TCOF1: variants seen among roughly 807,000 people sequenced by gnomAD.
TCOF1 encodes the protein treacle protein.
TCOF1 carries 33 observed loss-of-function variants against 149.0 expected under a neutral mutation model. That is an observed-to-expected ratio of 0.22 (90% CI 0.17 to 0.30). TCOF1 has a LOEUF of 0.30. Among genes scored for constraint, TCOF1 ranks in the 10% least tolerant of loss-of-function variants. The pLI is 1.00. For missense variants in TCOF1, 1,728 were observed against 1,840.7 expected, an observed-to-expected ratio of 0.94 and a Z score of 1.12; for synonymous variants, 789 against 738.8, an observed-to-expected ratio of 1.07 and a Z score of -1.10.
At chr5:150,384,681 T>C (rs1407991861) in intron 17 of TCOF1, 5 of 982,026 alleles carry the variant, frequency 5.1e-6, no homozygotes, top group East Asian at 2.3e-4. Flanking sequence ...TGGAGTCTAT[T>C]TAAAAAGCAG....
chr5:150,393,783 G>A, intron 23 of TCOF1: 2 of 569,228 alleles, frequency 3.5e-6, no homozygotes, highest in Non-Finnish European at 6.2e-6. Flanking sequence ...GGAGGCCGAG[G>A]TGGGCAGATT....
chr5:150,388,771 C>G (rs1766799997), intron 18 of TCOF1, among the ~76,000 whole-genome samples: 1 of 150,914 alleles, frequency 6.6e-6, no homozygotes, highest in South Asian at 2.1e-4. Context: ...AACCCCGTCT[C>G]TACTAAAAAT....
chr5:150,395,640 A>C (rs867670274), intron 23 of TCOF1, among the ~76,000 whole-genome samples: 1 of 152,140 alleles, frequency 6.6e-6, no homozygotes, highest in African/African-American at 2.4e-5. Context: ...TCTGGCAGGC[A>C]GTAAACCTGC....
chr5:150,373,884 GA>G (rs1486684800), intron 7 of TCOF1, among the ~76,000 whole-genome samples: 3 of 152,212 alleles, frequency 2.0e-5, no homozygotes, highest in Non-Finnish European at 4.4e-5. Flanking sequence ...GCACCAGGGG[GA>G]ACCATGTTAA....
intron 14 of TCOF1, among the ~76,000 whole-genome samples, chr5:150,377,657 G>C (rs574099443): frequency 6.6e-6 from 1 of 151,904 alleles, no homozygotes; most frequent in African/African-American, 2.4e-5. Flanking sequence ...TTCCTCCATT[G>C]AGGTTTTTAA....
chr5:150,399,479 T>A (rs1769328405), intron 26 of TCOF1, among the ~76,000 whole-genome samples: 1 of 152,140 alleles, frequency 6.6e-6, no homozygotes, highest in Non-Finnish European at 1.5e-5. Context: ...AGATGAGCTA[T>A]CACCATGGAT....
Position 150,375,082 on chromosome 5 carries a change from G to C in TCOF1, c.1407G>C (p.Gly469=). The change falls in exon 10 of 27, where the codon GGG becomes GGC. Residue 469 remains glycine (G), a synonymous_variant. Coordinates refer to ENST00000643257, the MANE Select transcript of TCOF1 (RefSeq NM_001371623.1). The part of the protein sequence containing the change: ...TGPAAAQVQV[G]KQEEDSRSSS... ...CTGCAGCCGCCCAGGTCCAGGTGGG[G>C]AAGCAGGAGGAGGACTCAAGAAGCA... The C allele has an allele frequency of 6.2e-7, 1 of 1,614,188 alleles. No individual in the cohort carries two copies. The highest frequency in any genetic ancestry group is 8.5e-7 in the Non-Finnish European group (1 of 1,180,028).
In TCOF1 at chr5:150,369,649, C is replaced by T. The variant is rs558835599; in HGVS notation, c.639+47C>T. On this transcript the variant is annotated intron_variant, in intron 6 of 26. Coordinates refer to ENST00000643257, the MANE Select transcript of TCOF1 (RefSeq NM_001371623.1). ...GAGTTGCCCTCTCCCAGCCTCTAACCCTTCCAGGAACCTGTCTGGGGCTTC... is the reference window on the plus strand; with the variant it reads ...GAGTTGCCCTCTCCCAGCCTCTAACTCTTCCAGGAACCTGTCTGGGGCTTC... The T allele has an allele frequency of 9.3e-5, 149 of 1,603,684 alleles. 1 individual carries two copies. The South Asian group carries it at 1.5e-3, about 17-fold the overall frequency.
chr5:150,361,014 G>A lies in TCOF1; in HGVS notation c.109-142G>A, dbSNP rs970906459. On this transcript the variant is annotated intron_variant, in intron 1 of 26. Coordinates refer to ENST00000643257, the MANE Select transcript of TCOF1 (RefSeq NM_001371623.1). The stretch of plus-strand genomic sequence containing the variant: ...GCCTCCCAAAGTGCTGAGATTACAG[G>A]TATGAGCCACCATGCCCAGCCAAAA... 4 of 988,880 alleles carry A rather than the reference G, an allele frequency of 4.0e-6. No individual in the cohort carries two copies. In the Admixed American group the frequency reaches 5.8e-5, roughly 14 times the overall value. The allele number at this position is 988,880 out of a possible 1,614,324, so 61.3% of individuals were successfully genotyped here. A position where few individuals can be genotyped will look rare whatever the true frequency, so the allele number is the denominator to read the frequency against.
chr5:150,368,550 G>A, intron 4 of TCOF1, 166 bp from the exon 5 acceptor site: 1 of 712,070 alleles, frequency 1.4e-6, no homozygotes. Context: ...GGTGAGAGGA[G>A]GTGCTGTTTT....
chr5:150,375,421 T>A lies in TCOF1; in HGVS notation c.1571T>A (p.Val524Glu). The A allele has an allele frequency of 6.2e-7, 1 of 1,612,914 alleles. No individual in the cohort carries two copies. Among genetic ancestry groups the A allele is most frequent in the South Asian group, 1.1e-5 (1 of 91,004 alleles). The change falls in exon 11 of 27, where the codon GTG (valine) becomes GAG (glutamate). Residue 524 changes from valine to glutamate, a missense_variant. By Grantham distance (121) the Val-to-Glu change is moderately radical (BLOSUM62 -2). Coordinates refer to ENST00000643257, the MANE Select transcript of TCOF1 (RefSeq NM_001371623.1). ...MGPLGKGAGPVPPGKVGPATP... is the reference protein window; with the variant it reads ...MGPLGKGAGPEPPGKVGPATP... ...CCCTTGGGGAAAGGCGCCGGCCCAG[T>A]GCCACCCGGGAAGGTGGGGCCTGCA...
In TCOF1 at chr5:150,398,400, G is replaced by T; in HGVS notation, c.4392G>T (p.Lys1464Asn). The T allele has an allele frequency of 6.2e-7, 1 of 1,614,062 alleles. No homozygotes were observed. Among genetic ancestry groups the T allele is most frequent in the Non-Finnish European group, 8.5e-7 (1 of 1,179,996 alleles). ...EKKEKKKKAK[K>N]ASTKDSESPS... is the part of the protein sequence containing the mutation. ...AAGAAAAGAAGAAGAAAGCAAAAAA[G>T]GCCTCAACCAAAGATTCTGAGTCAC... Residue 1464 changes from lysine (K) to asparagine (N), a missense_variant, in exon 25 of 27, where the codon AAG becomes AAT. Coordinates refer to ENST00000643257, the MANE Select transcript of TCOF1 (RefSeq NM_001371623.1).
chr5:150,374,576 G>T (rs749626536), intron 8 of TCOF1, 41 bp from the exon 9 acceptor site: 2 of 1,611,968 alleles, frequency 1.2e-6, no homozygotes, highest in Non-Finnish European at 1.7e-6. Context: ...CTCCTCACAC[G>T]TCCATCCTCT....
chr5:150,398,544 T>C, intron 25 of TCOF1, 93 bp downstream of exon 25: 1 of 1,588,600 alleles, frequency 6.3e-7, no homozygotes, highest in Non-Finnish European at 8.6e-7. Context: ...CCCCTTCCCA[T>C]TTTCGGGGCC....
Position 150,392,004 on chromosome 5 carries a change from C to T in TCOF1, c.3345C>T (p.Thr1115=). Reference sequence around the variant, plus strand: ...TCCCTGCAACAAGTCCCCAGAGCACCTCCGTCCAGGCCAAAGGGACCAACA... The same window carrying T: ...TCCCTGCAACAAGTCCCCAGAGCACTTCCGTCCAGGCCAAAGGGACCAACA... ...GTLPATSPQS[T]SVQAKGTNKL... Residue 1115 remains threonine, a synonymous_variant, in exon 21 of 27, where the codon ACC becomes ACT. Transcript: ENST00000643257. 5 of 1,614,200 alleles carry T rather than the reference C, an allele frequency of 3.1e-6. No individual in the cohort carries two copies. The highest frequency in any genetic ancestry group is 4.2e-6 in the Non-Finnish European group (5 of 1,180,032).
chr5:150,393,792 T>C (rs1258821735), intron 23 of TCOF1: 3 of 544,864 alleles, frequency 5.5e-6, no homozygotes, highest in African/African-American at 1.9e-5. Context: ...GGTGGGCAGA[T>C]TGCTCAAGCC....
At chr5:150,364,050 AGTCAATTCTT>A (rs1760748348) in intron 2 of TCOF1, 53 bp from the exon 3 acceptor site, 1 of 1,611,808 alleles carries the variant, frequency 6.2e-7, no homozygotes, top group African/African-American at 1.3e-5. Flanking sequence ...AGGTCTGTCT[AGTCAATTCTT>A]GTGGAGTTGT....
intron 14 of TCOF1, 136 bp from the exon 15 acceptor site, chr5:150,378,769 G>A: frequency 3.2e-6 from 4 of 1,237,280 alleles, no homozygotes; most frequent in Middle Eastern, 2.2e-4. Flanking sequence ...ATCAAGTGAT[G>A]AGCTCAGGTT....
At chr5:150,394,166 C>A in intron 23 of TCOF1, 1 of 157,366 alleles carries the variant, frequency 6.4e-6, no homozygotes, top group East Asian at 1.9e-4. Context: ...GCTTGTGGAG[C>A]AAGTGTTGGC....
Sources: allele counts gnomAD v4.1 joint callset (sites outside exome capture counted in the v4.1 genomes callset), GRCh38; gene constraint gnomAD v4.1.1; transcripts MANE v1.5; gene names NCBI Gene and HGNC (gene_info 2026-07-23, HGNC 2026-07-21).